The following MARCHF3 variants were observed in gnomAD, a reference collection of about 807,000 sequenced individuals.
MARCHF3 encodes membrane associated ring-CH-type finger 3, also known as E3 ubiquitin-protein ligase MARCHF3.
A neutral mutation model predicts 24.2 loss-of-function variants in MARCHF3; 13 were observed. That is an observed-to-expected ratio of 0.54 (90% CI 0.35 to 0.85). MARCHF3 has a LOEUF of 0.85. MARCHF3 is among the 40% of genes least tolerant of loss of function. The pLI is 0.01. For missense variants in MARCHF3, 276 were observed against 325.0 expected, an observed-to-expected ratio of 0.85 and a Z score of 1.16; for synonymous variants, 144 against 137.3, an observed-to-expected ratio of 1.05 and a Z score of -0.34.
chr5:126,975,460 CATT>C (rs1751161200), intron 1 of MARCHF3, among the ~76,000 whole-genome samples: 1 of 152,226 alleles, frequency 6.6e-6, no homozygotes, highest in Non-Finnish European at 1.5e-5. Flanking sequence ...CCACCTCAAA[CATT>C]AATCATTTCT....
intron 1 of MARCHF3, among the ~76,000 whole-genome samples, chr5:126,924,506 C>T (rs1004321523): frequency 5.9e-5 from 9 of 152,128 alleles, no homozygotes; most frequent in Admixed American, 3.3e-4. Context: ...AATAGGGATG[C>T]CGCTCTTTGA....
Position 126,961,699 on chromosome 5 carries a change from T to C in MARCHF3, c.-56-43472A>G, listed in dbSNP as rs552666620. Among the ~76,000 whole-genome samples, 16 of 152,296 alleles carry C rather than the reference T, an allele frequency of 1.1e-4. No individual in the cohort carries two copies. The South Asian group carries it at 2.9e-3, about 28-fold the overall frequency. ...AAGAAATTATGCCTCATCAAACATA[T>C]GTAATTTGGCTTGAAGTAGTAATAG... On this transcript the variant is annotated intron_variant, in intron 1 of 4. Coordinates refer to ENST00000308660, the MANE Select transcript of MARCHF3 (RefSeq NM_178450.5).
chr5:126,901,183 A>G (rs1157842293), intron 3 of MARCHF3, among the ~76,000 whole-genome samples: 2 of 152,140 alleles, frequency 1.3e-5, no homozygotes, highest in African/African-American at 2.4e-5. Context: ...AAGTGTATAC[A>G]AGCACAACAT....
At position 126,869,308 on chromosome 5, in the gene MARCHF3, G is replaced by A. The variant is rs192047049; in HGVS notation, c.*1325C>T. 20 of 152,352 alleles carry A rather than the reference G, an allele frequency of 1.3e-4. No homozygotes were observed. In the East Asian group the frequency reaches 3.9e-3, roughly 29 times the overall value. The allele number at this position is 152,352 out of a possible 1,614,324, so 9.4% of individuals were successfully genotyped here. A position where few individuals can be genotyped will look rare whatever the true frequency, so the allele number is the denominator to read the frequency against. ...AGGGCTCCGCCCCTCCTCGCTGCGT[G>A]TGGGCGGGCGGACAGCCGGGAGCCT... On this transcript the variant is annotated 3_prime_UTR_variant, in exon 5 of 5. Transcript: ENST00000308660.
intron 1 of MARCHF3, among the ~76,000 whole-genome samples, chr5:126,992,765 G>GTTTTTTTTTTTTTTTT: frequency 8.6e-6 from 1 of 116,138 alleles, no homozygotes; most frequent in African/African-American, 3.2e-5. Flanking sequence ...ACATCCACGT[G>GTTTTTTTTTTTTTTTT]ATTTTTTTTT....
chr5:127,005,154 T>TC (rs1418903413), intron 1 of MARCHF3, among the ~76,000 whole-genome samples: 2 of 150,088 alleles, frequency 1.3e-5, no homozygotes, highest in Non-Finnish European at 3.0e-5. Flanking sequence ...TTTTTTTTTT[T>TC]GAGATGGAGT....
chr5:126,907,642 C>T (rs1398447134), intron 3 of MARCHF3, among the ~76,000 whole-genome samples: 3 of 147,746 alleles, frequency 2.0e-5, no homozygotes, highest in Non-Finnish European at 4.5e-5. Flanking sequence ...AGGATTGCAA[C>T]CCCTGCCTTT....
chr5:126,960,387 T>A (rs573521175), intron 1 of MARCHF3, among the ~76,000 whole-genome samples: 2 of 152,244 alleles, frequency 1.3e-5, no homozygotes, highest in East Asian at 3.9e-4. Flanking sequence ...CTTGGGACAA[T>A]GTTTCAAGTG....
chr5:126,871,464 C>G (rs1233067956), intron 4 of MARCHF3, among the ~76,000 whole-genome samples: 1 of 152,222 alleles, frequency 6.6e-6, no homozygotes, highest in Non-Finnish European at 1.5e-5. Flanking sequence ...TGGGTGCCCA[C>G]TGTGCCTCAA....
chr5:126,870,965 C>T lies in MARCHF3; in HGVS notation c.604-174G>A, dbSNP rs1357606443. 2.0e-5 allele frequency among the ~76,000 whole-genome samples: 3 copies of T among 152,214 alleles called. No individual in the cohort carries two copies. In the East Asian group the frequency reaches 5.8e-4, roughly 29 times the overall value. ...ACGCAGTGAGTGTTGAGAGATTGGG[C>T]ACCAGCCAAAGAGCACCCTATGTGT... is the stretch of plus-strand genomic sequence containing the variant. On this transcript the variant is annotated intron_variant, in intron 4 of 4. Transcript: ENST00000308660.
intron 1 of MARCHF3, among the ~76,000 whole-genome samples, chr5:127,016,881 T>C (rs1035407944): frequency 1.4e-4 from 21 of 152,146 alleles, no homozygotes; most frequent in African/African-American, 4.6e-4. Context: ...CCATCAATGA[T>C]AGACTGGATT....
At chr5:126,975,550 G>T (rs144003314) in intron 1 of MARCHF3, among the ~76,000 whole-genome samples, 9 of 152,200 alleles carry the variant, frequency 5.9e-5, no homozygotes, top group African/African-American at 2.2e-4. Flanking sequence ...CTGGTAAAAC[G>T]GCCTAAACTG....
At chr5:126,934,859 C>G (rs1749591660) in intron 1 of MARCHF3, among the ~76,000 whole-genome samples, 1 of 152,082 alleles carries the variant, frequency 6.6e-6, no homozygotes, top group Non-Finnish European at 1.5e-5. Flanking sequence ...TCCTGTCTAC[C>G]AGGCCCAGGT....
chr5:126,889,669 C>A (rs1201619853), intron 3 of MARCHF3, among the ~76,000 whole-genome samples: 1 of 152,172 alleles, frequency 6.6e-6, no homozygotes, highest in Admixed American at 6.5e-5. Context: ...TCCCTATAGT[C>A]CAATGTTTTG....
intron 1 of MARCHF3, among the ~76,000 whole-genome samples, chr5:126,960,805 A>G (rs1459010233): frequency 6.6e-6 from 1 of 152,016 alleles, no homozygotes. Context: ...TACTTTTAAT[A>G]TTAAAAATTA....
chr5:126,887,411 G>A (rs1753544007), intron 3 of MARCHF3, among the ~76,000 whole-genome samples: 1 of 152,208 alleles, frequency 6.6e-6, no homozygotes, highest in Non-Finnish European at 1.5e-5. Context: ...AATTGTTGCA[G>A]ATATCTTGAA....
At chr5:127,024,147 T>C (rs1449807164) in intron 1 of MARCHF3, among the ~76,000 whole-genome samples, 1 of 152,060 alleles carries the variant, frequency 6.6e-6, no homozygotes, top group Non-Finnish European at 1.5e-5. Flanking sequence ...GGAGGCAAGG[T>C]AGAAATGAAA....
intron 1 of MARCHF3, among the ~76,000 whole-genome samples, chr5:127,020,793 G>C (rs1382611220): frequency 6.6e-6 from 1 of 152,048 alleles, no homozygotes; most frequent in African/African-American, 2.4e-5. Flanking sequence ...TAAGACTGCA[G>C]AGCCGAGACT....
intron 1 of MARCHF3, among the ~76,000 whole-genome samples, chr5:126,959,618 A>T (rs1750571290): frequency 6.6e-6 from 1 of 152,196 alleles, no homozygotes; most frequent in African/African-American, 2.4e-5. Context: ...AATATACCAC[A>T]CTAATGTAAG....
Sources: gnomAD v4.1 joint callset for allele counts (sites outside exome capture counted in the v4.1 genomes callset) on GRCh38, gnomAD v4.1.1 for gene constraint, MANE v1.5 for transcripts, NCBI Gene and HGNC (gene_info 2026-07-23, HGNC 2026-07-21) for gene names.